THSD4: variants seen among roughly 807,000 people sequenced by gnomAD.
THSD4 encodes thrombospondin type 1 domain containing 4, also known as thrombospondin type-1 domain-containing protein 4.
A neutral mutation model predicts 119.0 loss-of-function variants in THSD4; 69 were observed. The observed-to-expected ratio is 0.58, with a 90% CI of 0.48 to 0.71. The LOEUF is 0.71. Among genes scored for constraint, THSD4 ranks in the 30% least tolerant of loss-of-function variants. THSD4 has a pLI of 0.00. For missense variants in THSD4, 1,393 were observed against 1,391.1 expected (o/e 1.00, Z -0.02); for synonymous variants, 524 against 540.4 (o/e 0.97, Z 0.42).
At chr15:71,443,882 T>A (rs1206544658) in intron 7 of THSD4, among the ~76,000 whole-genome samples, 1 of 152,218 alleles carries the variant, frequency 6.6e-6, no homozygotes, top group South Asian at 2.1e-4. Flanking sequence ...TTTTATGTTA[T>A]CTCATTTCAT....
At chr15:71,651,872 G>C (rs1410741073) in intron 7 of THSD4, among the ~76,000 whole-genome samples, 1 of 152,146 alleles carries the variant, frequency 6.6e-6, no homozygotes, top group Non-Finnish European at 1.5e-5. Flanking sequence ...AGGCTTAGAG[G>C]TGCCATCTTG....
chr15:71,700,819 A>T (rs1387939934), intron 8 of THSD4, among the ~76,000 whole-genome samples: 4 of 152,142 alleles, frequency 2.6e-5, no homozygotes, highest in Non-Finnish European at 1.5e-5. Flanking sequence ...AATCAGCATT[A>T]GGATAATAAT....
intron 7 of THSD4, among the ~76,000 whole-genome samples, chr15:71,445,300 G>C (rs1470744115): frequency 2.0e-5 from 3 of 152,068 alleles, no homozygotes; most frequent in African/African-American, 7.2e-5. Context: ...CCTCCCCACA[G>C]ATGCACAGAA....
chr15:71,410,093 G>T (rs1320846528), intron 6 of THSD4, among the ~76,000 whole-genome samples: 1 of 152,136 alleles, frequency 6.6e-6, no homozygotes, highest in Non-Finnish European at 1.5e-5. Context: ...TGATAGAAAT[G>T]TACAGAAAGA....
At chr15:71,702,233 G>C (rs1452689057) in intron 8 of THSD4, among the ~76,000 whole-genome samples, 2 of 152,186 alleles carry the variant, frequency 1.3e-5, no homozygotes, top group Non-Finnish European at 2.9e-5. Context: ...ATGTTGTAAC[G>C]GGACCAGGGA....
At chr15:71,110,883 GC>G (rs2040298931), upstream of THSD4, 1 of 485,300 alleles carries the variant, frequency 2.1e-6, no homozygotes, top group African/African-American at 1.9e-5. Flanking sequence ...GATCAGCCAT[GC>G]TTGAGAAGAG....
chr15:71,199,842 GC>G (rs1442870069), intron 3 of THSD4, among the ~76,000 whole-genome samples: 246 of 136,836 alleles, frequency 1.8e-3, no homozygotes, highest in Middle Eastern at 8.7e-3. Context: ...GTGTGTGTGT[GC>G]TGTGTGTGAT....
In THSD4 at chr15:71,411,839, C is replaced by G; in HGVS notation, c.1152+16C>G. On this transcript the variant is annotated intron_variant, in intron 7 of 17. Transcript: ENST00000261862. The stretch of plus-strand genomic sequence containing the variant: ...GCAGTGCAAGGTAAGTGCCCCCGAA[C>G]TGGGGTGAATTCTTAAGGTGTTTGA... The G allele has an allele frequency of 1.2e-5, 19 of 1,613,654 alleles. No homozygotes were observed. The highest frequency in any genetic ancestry group is 1.6e-5 in the Non-Finnish European group (19 of 1,179,692).
At chr15:71,539,983 C>T (rs1007631685) in intron 7 of THSD4, among the ~76,000 whole-genome samples, 2 of 152,100 alleles carry the variant, frequency 1.3e-5, no homozygotes, top group African/African-American at 4.8e-5. Flanking sequence ...AGACAGAAGC[C>T]AGGGCAGTGC....
At chr15:71,408,854 A>G (rs1332826902) in intron 6 of THSD4, among the ~76,000 whole-genome samples, 2 of 152,138 alleles carry the variant, frequency 1.3e-5, no homozygotes, top group African/African-American at 4.8e-5. Flanking sequence ...CCTATCTCAC[A>G]CAGACACAAG....
At chr15:71,194,877 A>G (rs2141445300) in intron 3 of THSD4, among the ~76,000 whole-genome samples, 1 of 152,228 alleles carries the variant, frequency 6.6e-6, no homozygotes, top group East Asian at 1.9e-4. Flanking sequence ...GGGATGTTAC[A>G]TCTGGAATTC....
At chr15:71,728,483 G>A (rs1171763293) in intron 8 of THSD4, 66 bp from the exon 9 acceptor site, 1 of 1,559,830 alleles carries the variant, frequency 6.4e-7, no homozygotes, top group Non-Finnish European at 8.8e-7. Flanking sequence ...GAAACTGGGG[G>A]AGTCAGTTCT....
At chr15:71,643,972 TATG>T (rs1309447890) in intron 7 of THSD4, among the ~76,000 whole-genome samples, 1 of 152,222 alleles carries the variant, frequency 6.6e-6, no homozygotes, top group Non-Finnish European at 1.5e-5. Flanking sequence ...GTTGAGTATA[TATG>T]ATGTTTATCA....
At chr15:71,532,479 T>C in intron 7 of THSD4, among the ~76,000 whole-genome samples, 1 of 82,770 alleles carries the variant, frequency 1.2e-5, no homozygotes, top group African/African-American at 3.7e-5. Context: ...CCCAGCAATT[T>C]TTTTTTTTTG....
Position 71,405,955 on chromosome 15 carries a change from A to G in THSD4, c.1016-5732A>G, listed in dbSNP as rs183163339. Among the ~76,000 whole-genome samples the G allele has an allele frequency of 7.2e-5, 11 of 152,198 alleles. No individual in the cohort carries two copies. In the East Asian group the frequency reaches 2.1e-3, roughly 29 times the overall value. On this transcript the variant is annotated intron_variant, in intron 6 of 17. Coordinates refer to ENST00000261862, the MANE Select transcript of THSD4 (RefSeq NM_024817.3). ...TTTTCAGAGTACTCATTGATAGTAA[A>G]TAGAAATACAATTAAGAGGTAGGGT...
intron 6 of THSD4, among the ~76,000 whole-genome samples, chr15:71,401,803 A>G (rs1194823133): frequency 6.6e-6 from 1 of 152,226 alleles, no homozygotes; most frequent in Non-Finnish European, 1.5e-5. Context: ...ATATGCACAC[A>G]TATGCTTATT....
intron 7 of THSD4, among the ~76,000 whole-genome samples, chr15:71,578,141 A>G (rs1242731498): frequency 6.7e-6 from 1 of 149,184 alleles, no homozygotes; most frequent in East Asian, 1.9e-4. Flanking sequence ...TATATACATT[A>G]TATCTATCTA....
intron 7 of THSD4, among the ~76,000 whole-genome samples, chr15:71,561,969 G>A (rs2049129786): frequency 6.6e-6 from 1 of 151,530 alleles, no homozygotes. Flanking sequence ...GTGATGTTAA[G>A]CACCAAATTC....
intron 7 of THSD4, among the ~76,000 whole-genome samples, chr15:71,653,626 A>G (rs2051135078): frequency 6.6e-6 from 1 of 152,240 alleles, no homozygotes; most frequent in African/African-American, 2.4e-5. Flanking sequence ...ACCTTGAGGA[A>G]GAAGAGCAGG....
Sources: allele counts gnomAD v4.1 joint callset (sites outside exome capture counted in the v4.1 genomes callset), GRCh38; gene constraint gnomAD v4.1.1; transcripts MANE v1.5; gene names NCBI Gene and HGNC (gene_info 2026-07-23, HGNC 2026-07-21).